Variants in USP50 observed in about 807,000 individuals in gnomAD.
USP50 encodes the protein ubiquitin specific peptidase 50.
A neutral mutation model predicts 39.2 loss-of-function variants in USP50; 37 were observed. That is an observed-to-expected ratio of 0.94 (90% CI 0.73 to 1.24). The LOEUF is 1.24. Ranked by LOEUF, USP50 falls within the 50% of genes most tolerant of loss-of-function variation. The pLI is 0.00. For synonymous variants in USP50, 139 were observed against 144.5 expected (o/e 0.96, Z 0.27); for missense variants, 374 against 398.2 (o/e 0.94, Z 0.52).
At chr15:50,541,969 C>T (rs114532020) in intron 3 of USP50, among the ~76,000 whole-genome samples, 2,117 of 150,878 alleles carry the variant, frequency 0.014, 52 homozygotes, top group African/African-American at 0.049. Context: ...AATCGTCGTG[C>T]TTTGGGAGGC....
downstream of USP50, chr15:50,497,051 G>A (rs748537198): frequency 4.0e-5 from 63 of 1,568,096 alleles, no homozygotes; most frequent in Non-Finnish European, 5.0e-5. Flanking sequence ...TTGAAGAATC[G>A]AATTAACGAG....
At chr15:50,512,814 A>C (rs1243911441) in intron 6 of USP50, 1 of 152,120 alleles carries the variant, frequency 6.6e-6, no homozygotes, top group Non-Finnish European at 1.5e-5. Flanking sequence ...AACAAAAACA[A>C]CAAAAAACAC....
At chr15:50,536,618 A>G (rs2414077) in intron 5 of USP50, among the ~76,000 whole-genome samples, 82,959 of 151,892 alleles carry the variant, frequency 0.55, 22,818 homozygotes, top group Admixed American at 0.62. Flanking sequence ...TCCAGCCTGG[A>G]CAACAGAGCA....
chr15:50,534,126 CTTA>C (rs1349650830), intron 5 of USP50, among the ~76,000 whole-genome samples: 5 of 152,178 alleles, frequency 3.3e-5, no homozygotes, highest in South Asian at 4.2e-4. Context: ...TTTTATTTTT[CTTA>C]TTATTAATAA....
At chr15:50,529,719 G>A in intron 6 of USP50, 78 bp downstream of exon 6, 1 of 1,496,134 alleles carries the variant, frequency 6.7e-7, no homozygotes, top group Admixed American at 2.2e-5. Flanking sequence ...GGAGAGACAG[G>A]AGAAATAGGG....
intron 5 of USP50, among the ~76,000 whole-genome samples, chr15:50,535,166 A>ACAC (rs1207671070): frequency 5.4e-4 from 81 of 149,420 alleles, no homozygotes; most frequent in Middle Eastern, 6.9e-3. Flanking sequence ...CACACACACA[A>ACAC]AAATTGATAG....
At chr15:50,527,099 G>A (rs1322667755) in intron 6 of USP50, among the ~76,000 whole-genome samples, 1 of 152,202 alleles carries the variant, frequency 6.6e-6, no homozygotes, top group East Asian at 1.9e-4. Context: ...TTCCCTTCTA[G>A]TCTACAGATG....
chr15:50,522,037 T>C (rs3131603), intron 6 of USP50, among the ~76,000 whole-genome samples: 46,427 of 151,992 alleles, frequency 0.31, 7,518 homozygotes, highest in East Asian at 0.57. Context: ...GAAACTACTA[T>C]AAACAATTAT....
In USP50 at chr15:50,529,848, A is replaced by G; in HGVS notation, c.885T>C (p.Tyr295=). 1.2e-6 allele frequency: 2 copies of G among 1,613,970 alleles called. No homozygotes were observed. Among genetic ancestry groups the G allele is most frequent in the Non-Finnish European group, 1.7e-6 (2 of 1,179,874 alleles). Residue 295 remains tyrosine (Y), a synonymous_variant, in exon 6 of 7, where the codon TAT becomes TAC. Coordinates refer to ENST00000532404, the MANE Select transcript of USP50 (RefSeq NM_203494.5). The stretch of plus-strand genomic sequence containing the variant: ...GATATTTCCGGAAAATTGAGCAAAT[A>G]TAAGGAGTGAGGTCCAAGTTAGTGA... ...YPLTNLDLTP[Y]ICSIFRKYPK... is the part of the protein sequence containing the mutation.
At chr15:50,544,388 A>G (rs1360213919) in intron 2 of USP50, among the ~76,000 whole-genome samples, 199 bp downstream of exon 2, 1 of 151,766 alleles carries the variant, frequency 6.6e-6, no homozygotes, top group East Asian at 1.9e-4. Flanking sequence ...AAAAATAAAA[A>G]ATAAAAAAAA....
In USP50 at chr15:50,500,822, A is replaced by G. The variant is rs760290685; in HGVS notation, c.952T>C (p.Leu318=). 3 of 1,583,440 alleles carry G rather than the reference A, an allele frequency of 1.9e-6. No individual in the cohort carries two copies. In the East Asian group the frequency reaches 6.8e-5, roughly 36 times the overall value. Residue 318 remains leucine (L), a synonymous_variant, in exon 7 of 7, where the codon TTG becomes CTG. Transcript: ENST00000532404. ...AAAGCAGTGTAGTGGCCACCATCCA[A>G]ATCACCAAAATGGTTCTATGGGAGA... ...LCAVVNHFGD[L]DGGHYTAFCK...
At chr15:50,527,553 TG>T (rs1176918814) in intron 6 of USP50, among the ~76,000 whole-genome samples, 2 of 152,016 alleles carry the variant, frequency 1.3e-5, no homozygotes, top group African/African-American at 4.8e-5. Flanking sequence ...ACGGTTCTCC[TG>T]AGGACCACAC....
downstream of USP50, chr15:50,495,706 C>T: frequency 3.3e-6 from 2 of 607,240 alleles, no homozygotes; most frequent in East Asian, 3.0e-5. Flanking sequence ...TTATTTTTTG[C>T]CACACTCAGT....
At chr15:50,514,645 C>G (rs1276558643) in intron 6 of USP50, among the ~76,000 whole-genome samples, 2 of 152,128 alleles carry the variant, frequency 1.3e-5, no homozygotes, top group Admixed American at 1.3e-4. Context: ...GATTCTTCCT[C>G]AGCCTCCCAA....
chr15:50,500,780 T>G lies in USP50; in HGVS notation c.994A>C (p.Thr332Pro). 6.3e-7 allele frequency: 1 copy of G among 1,589,224 alleles called. No homozygotes were observed. The highest frequency in any genetic ancestry group is 8.6e-7 in the Non-Finnish European group (1 of 1,167,208). Residue 332 changes from threonine (T) to proline (P), a missense_variant, in exon 7 of 7, where the codon ACC (threonine) becomes CCC (proline). By Grantham distance (38) the Thr-to-Pro change is conservative. Coordinates refer to ENST00000532404, the MANE Select transcript of USP50 (RefSeq NM_203494.5). ...HYTAFCKNSV[T>P]QA Reference sequence around the variant, plus strand: ...TTATCAAAGCTATATCAGGCCTGGGTGACTGAATTCTTGCAGAAAGCAGTG... The same window carrying G: ...TTATCAAAGCTATATCAGGCCTGGGGGACTGAATTCTTGCAGAAAGCAGTG...
At position 50,541,314 on chromosome 15, in the gene USP50, A is replaced by G. The variant is rs563715230; in HGVS notation, c.445-50T>C. The G allele has an allele frequency of 5.5e-4, 841 of 1,521,896 alleles. 8 individuals carry two copies. Among genetic ancestry groups the G allele is most frequent in the South Asian group, 5.3e-3 (464 of 87,584 alleles). 94.3% of individuals were successfully genotyped at this position (1,521,896 alleles called of 1,614,324 possible). A position where few individuals can be genotyped will look rare whatever the true frequency, so the allele number is the denominator to read the frequency against. On this transcript the variant is annotated intron_variant, in intron 3 of 6. Coordinates refer to ENST00000532404, the MANE Select transcript of USP50 (RefSeq NM_203494.5). ...CAAATTAATTATTGGTTATTTAAAA[A>G]AGACTGTGGCAACATGGTGAGATCC...
downstream of USP50, chr15:50,495,736 G>GAGAA (rs2052372229): frequency 1.2e-6 from 1 of 826,316 alleles, no homozygotes; most frequent in African/African-American, 1.7e-5. Flanking sequence ...ACTCCTTTAT[G>GAGAA]AGAACTACAG....
At chr15:50,538,274 A>G (rs1282207894) in intron 5 of USP50, among the ~76,000 whole-genome samples, 6 of 94,950 alleles carry the variant, frequency 6.3e-5, no homozygotes, top group Non-Finnish European at 1.1e-4. Context: ...AGACTGTCTC[A>G]AAAAAAAAAA....
intron 1 of USP50, among the ~76,000 whole-genome samples, chr15:50,494,874 G>A (rs2052314399): frequency 6.6e-6 from 1 of 152,272 alleles, no homozygotes; most frequent in African/African-American, 2.4e-5. Flanking sequence ...AATTGGCTGG[G>A]TGTAGTGGCA....
Sources: gnomAD v4.1 joint callset for allele counts (sites outside exome capture counted in the v4.1 genomes callset) on GRCh38, gnomAD v4.1.1 for gene constraint, MANE v1.5 for transcripts, NCBI Gene and HGNC (gene_info 2026-07-23, HGNC 2026-07-21) for gene names.